TTYH1: variants seen among roughly 807,000 people sequenced by gnomAD.
TTYH1 encodes tweety family member 1.
In TTYH1, 33 loss-of-function variants were observed where a neutral mutation model predicts 61.2. The observed-to-expected ratio is 0.54, with a 90% CI of 0.41 to 0.72. The LOEUF (loss-of-function observed/expected upper bound fraction) is 0.72, where lower values mean the gene tolerates loss of function less well. TTYH1 is among the 30% of genes least tolerant of loss of function. TTYH1 has a pLI of 0.00. For synonymous variants in TTYH1, 308 were observed against 266.4 expected, an observed-to-expected ratio of 1.16 and a Z score of -1.52; for missense variants, 538 against 575.8, an observed-to-expected ratio of 0.93 and a Z score of 0.67.
Position 54,420,925 on chromosome 19 carries a change from G to A in TTYH1, c.306-352G>A, listed in dbSNP as rs149386713. On this transcript the variant is annotated intron_variant, in intron 2 of 13. Coordinates refer to ENST00000376530, the MANE Select transcript of TTYH1 (RefSeq NM_020659.4). This position sits in a 1 kb window ranked among gnomAD's most constrained non-coding sequence, Gnocchi z 4.8. ...GCAAAGGATGCGGGGGAAGGGTGTGGGGCAGGCAGTCCTAGGGAGGGGAAG... is the reference window on the plus strand; with the variant it reads ...GCAAAGGATGCGGGGGAAGGGTGTGAGGCAGGCAGTCCTAGGGAGGGGAAG... 4.3e-3 allele frequency: 1,551 copies of A among 364,448 alleles called. 21 individuals carry two copies. The highest frequency in any genetic ancestry group is 0.029 in the African/African-American group (1,398 of 48,170). 22.6% of individuals were successfully genotyped at this position (364,448 alleles called of 1,614,324 possible). A position where few individuals can be genotyped will look rare whatever the true frequency, so the allele number is the denominator to read the frequency against.
chr19:54,415,917 G>T lies in TTYH1; in HGVS notation c.126+239G>T. On this transcript the variant is annotated intron_variant, in intron 1 of 13. Transcript: ENST00000376530. This position sits in a 1 kb window ranked among gnomAD's most constrained non-coding sequence, Gnocchi z 5.2. ...CTAAATAAGGGAAGGCTGGGGACCT[G>T]CACCCCTGAGTTCATGGAGAGGAGG... The T allele has an allele frequency of 1.2e-6, 1 of 823,768 alleles. No individual in the cohort carries two copies. Among genetic ancestry groups the T allele is most frequent in the Non-Finnish European group, 1.9e-6 (1 of 538,636 alleles). 51.0% of individuals were successfully genotyped at this position (823,768 alleles called of 1,614,324 possible). A position where few individuals can be genotyped will look rare whatever the true frequency, so the allele number is the denominator to read the frequency against.
At position 54,430,883 on chromosome 19, in the gene TTYH1, T is replaced by C; in HGVS notation, c.1010T>C (p.Val337Ala). 6.2e-7 allele frequency: 1 copy of C among 1,613,478 alleles called. No individual in the cohort carries two copies. Among genetic ancestry groups the C allele is most frequent in the Non-Finnish European group, 8.5e-7 (1 of 1,180,002 alleles). ...CTGCTGGGCCTGGAGCGAGAAGCTG[T>C]GCCTCAGTTCCCTTCAGCGCAGGTC... ...SQLLGLEREAVPQFPSAQKPL... is the reference protein window; with the variant it reads ...SQLLGLEREAAPQFPSAQKPL... Residue 337 changes from valine to alanine, a missense_variant, in exon 9 of 14, where the codon GTG becomes GCG. Val to Ala is a moderately conservative substitution (Grantham distance 64). Around this residue, in one of 3 missense-constraint regions of TTYH1, gnomAD observed 378 missense variants for 401.2 expected, o/e 0.94. Coordinates refer to ENST00000376530, the MANE Select transcript of TTYH1 (RefSeq NM_020659.4).
rs376605458 is a variant in TTYH1, at chr19:54,436,186, G to A, written c.*42+15G>A. ...TCCCCTCTTCGGTGAGCTTCCAAGG[G>A]CCACCCCAGCTCCTGCAGCCGGGCC... On this transcript the variant is annotated intron_variant, in intron 13 of 13. Coordinates refer to ENST00000376530, the MANE Select transcript of TTYH1 (RefSeq NM_020659.4). This position sits in a 1 kb window ranked among gnomAD's most constrained non-coding sequence, Gnocchi z 4.3. The A allele has an allele frequency of 2.4e-5, 39 of 1,613,324 alleles. No individual in the cohort carries two copies. In the Middle Eastern group the frequency reaches 5.0e-4, roughly 20 times the overall value.
rs1213644023 is a variant in TTYH1 at position 54,429,040 on chromosome 19, G to A, written c.735-267G>A. On this transcript the variant is annotated intron_variant, in intron 5 of 13. Coordinates refer to ENST00000376530, the MANE Select transcript of TTYH1 (RefSeq NM_020659.4). The surrounding 1 kb of genome is among the most constrained non-coding windows in gnomAD (Gnocchi z 5.1). The stretch of plus-strand genomic sequence containing the variant: ...GAGCAGTCACCGTCCCAGGGTCCTG[G>A]AGCTGGGATCCAAGCTGCGACCACC... Among the ~76,000 whole-genome samples the A allele has an allele frequency of 1.3e-5, 2 of 152,150 alleles. No individual in the cohort carries two copies. Among genetic ancestry groups the A allele is most frequent in the Non-Finnish European group, 2.9e-5 (2 of 68,010 alleles).
intron 1 of TTYH1, among the ~76,000 whole-genome samples, chr19:54,418,007 GACAC>G (rs35160501): frequency 1.4e-4 from 21 of 148,270 alleles, no homozygotes; most frequent in African/African-American, 3.0e-4. Context: ...ACACACTTGG[GACAC>G]ACACACACAC....
chr19:54,435,577 C>T lies in TTYH1; in HGVS notation c.1161C>T (p.Asp387=), dbSNP rs377357802. Residue 387 remains aspartate (D), a synonymous_variant, in exon 11 of 14, where the codon GAC becomes GAT. Transcript: ENST00000376530. ...YGAALRGLCE[D]ALEGLLFLLL... Reference sequence around the variant, plus strand: ...CAGCCCTGCGGGGCCTGTGCGAAGACGCCCTGGAAGGCCTGCTCTTCCTGC... The same window carrying T: ...CAGCCCTGCGGGGCCTGTGCGAAGATGCCCTGGAAGGCCTGCTCTTCCTGC... The T allele has an allele frequency of 1.3e-5, 21 of 1,609,648 alleles. No individual in the cohort carries two copies. The highest frequency in any genetic ancestry group is 6.7e-5 in the East Asian group (3 of 44,882).
At chr19:54,417,532 TCA>T (rs751916157) in intron 1 of TTYH1, among the ~76,000 whole-genome samples, 73 of 151,014 alleles carry the variant, frequency 4.8e-4, no homozygotes, top group Non-Finnish European at 8.4e-4. Flanking sequence ...ACATACACAA[TCA>T]CACATATGCA....
At chr19:54,423,442 C>A (rs956828858) in intron 4 of TTYH1, among the ~76,000 whole-genome samples, 2 of 152,070 alleles carry the variant, frequency 1.3e-5, no homozygotes, top group African/African-American at 2.4e-5. Context: ...GTGATCTGCC[C>A]GCCTTGGCCT....
chr19:54,416,814 C>T lies in TTYH1; in HGVS notation c.126+1136C>T. ...CCTCGCGGTTACACAACGGCCACCT[C>T]CAACAACGCCGCTCCACCGGCTCCG... On this transcript the variant is annotated intron_variant, in intron 1 of 13. Transcript: ENST00000376530. The surrounding 1 kb of genome is among the most constrained non-coding windows in gnomAD (Gnocchi z 7.0). The T allele has an allele frequency of 7.7e-7, 1 of 1,294,054 alleles. No individual in the cohort carries two copies. The highest frequency in any genetic ancestry group is 1.0e-6 in the Non-Finnish European group (1 of 988,732). 80.2% of individuals were successfully genotyped at this position (1,294,054 alleles called of 1,614,324 possible).
chr19:54,430,629 C>T (rs558987334), intron 8 of TTYH1, 24 bp downstream of exon 8: 11 of 1,254,908 alleles, frequency 8.8e-6, no homozygotes, highest in African/African-American at 3.4e-5. Context: ...GCAGGGGAAA[C>T]GGGTGTTGAG....
In TTYH1 at chr19:54,429,372, C is replaced by G. The variant is rs773710943; in HGVS notation, c.800C>G (p.Thr267Arg). ...GGCTCCATGGGCCTGGAGGCAGCCA[C>G]GGCCGTGGTGAGTGCCAGGGCCGGG... Reference protein sequence around the residue: ...SWGSMGLEAATAVGLSDFCSN... With the variant: ...SWGSMGLEAARAVGLSDFCSN... The change falls in exon 6 of 14, where the codon ACG becomes AGG. Residue 267 changes from threonine (T) to arginine (R), a missense_variant. This residue lies in a region of TTYH1 where 378 missense variants were observed against 401.2 expected (regional missense o/e 0.94). Coordinates refer to ENST00000376530, the MANE Select transcript of TTYH1 (RefSeq NM_020659.4). The surrounding 1 kb of genome is among the most constrained non-coding windows in gnomAD (Gnocchi z 5.1). 1 of 1,613,720 alleles carries G rather than the reference C, an allele frequency of 6.2e-7. No individual in the cohort carries two copies. The highest frequency in any genetic ancestry group is 2.2e-5 in the East Asian group (1 of 44,876).
chr19:54,417,686 TACAC>T (rs35495259), intron 1 of TTYH1, among the ~76,000 whole-genome samples: 1 of 150,684 alleles, frequency 6.6e-6, no homozygotes, highest in African/African-American at 2.4e-5. Flanking sequence ...TATACTCCCA[TACAC>T]ACACACACGT....
chr19:54,427,165 CAT>C (rs2083337095), intron 5 of TTYH1, among the ~76,000 whole-genome samples: 2 of 151,628 alleles, frequency 1.3e-5, no homozygotes, highest in Non-Finnish European at 2.9e-5. Context: ...GGTGTGGTGG[CAT>C]GCGCCTGTAG....
At chr19:54,423,354 C>T (rs775675378) in intron 4 of TTYH1, among the ~76,000 whole-genome samples, 14 of 152,182 alleles carry the variant, frequency 9.2e-5, no homozygotes, top group Admixed American at 2.6e-4. Context: ...GGCGCCACCA[C>T]GCCCGGCTAA....
At chr19:54,426,916 G>C in intron 5 of TTYH1, 148 bp downstream of exon 5, 1 of 667,434 alleles carries the variant, frequency 1.5e-6, no homozygotes, top group Non-Finnish European at 2.5e-6. Flanking sequence ...AGCCCAGGAG[G>C]GAGGCGGGGA....
At chr19:54,418,268 C>G (rs538687754) in intron 1 of TTYH1, 1 of 152,380 alleles carries the variant, frequency 6.6e-6, no homozygotes, top group African/African-American at 2.4e-5. Context: ...CAGAACGTTT[C>G]CGCGGCCTGC....
chr19:54,430,477 G>T (rs916687059), intron 7 of TTYH1, 73 bp from the exon 8 acceptor site: 2 of 1,543,736 alleles, frequency 1.3e-6, no homozygotes, highest in Admixed American at 1.7e-5. Flanking sequence ...ACCCCCCAGT[G>T]CCCGGCCTTC....
chr19:54,417,242 GCA>G (rs1479919311), intron 1 of TTYH1, among the ~76,000 whole-genome samples: 1 of 142,690 alleles, frequency 7.0e-6, no homozygotes, highest in African/African-American at 2.8e-5. Flanking sequence ...ACACTCACAT[GCA>G]CACACATATG....
chr19:54,419,070 G>T lies in TTYH1; in HGVS notation c.127-58G>T. 4 of 1,532,340 alleles carry T rather than the reference G, an allele frequency of 2.6e-6. No individual in the cohort carries two copies. The South Asian group carries it at 3.7e-5, about 14-fold the overall frequency. 94.9% of individuals were successfully genotyped at this position (1,532,340 alleles called of 1,614,324 possible). A position where few individuals can be genotyped will look rare whatever the true frequency, so the allele number is the denominator to read the frequency against. ...GACCCCCCAGCCACGCAGGAAGGGG[G>T]ATCTGAGTGTGGAACACACGGGTGC... On this transcript the variant is annotated intron_variant, in intron 1 of 13. Transcript: ENST00000376530. The surrounding 1 kb of genome is among the most constrained non-coding windows in gnomAD (Gnocchi z 6.1).
Sources: gnomAD v4.1 joint callset for allele counts (sites outside exome capture counted in the v4.1 genomes callset) on GRCh38, gnomAD v4.1.1 for gene constraint, gnomAD v4.1.1 regional missense constraint, Gnocchi (gnomAD v3.1) non-coding constraint, MANE v1.5 for transcripts, NCBI Gene and HGNC (gene_info 2026-07-23, HGNC 2026-07-21) for gene names.